The following PCNX1 variants were observed in gnomAD, a reference collection of about 807,000 sequenced individuals.
PCNX1 encodes pecanex-like protein 1.
Under a neutral mutation model 242.2 loss-of-function variants are expected in PCNX1, and 78 were observed. The observed-to-expected ratio is 0.32, with a 90% CI of 0.27 to 0.39. PCNX1 has a LOEUF of 0.39. PCNX1 is among the 10% of genes least tolerant of loss of function. The pLI, the probability that PCNX1 is intolerant of heterozygous loss-of-function variation, is 1.00. For missense variants in PCNX1, 2,581 were observed against 2,856.5 expected, an observed-to-expected ratio of 0.90 and a Z score of 2.20; for synonymous variants, 1,024 against 1,032.9, an observed-to-expected ratio of 0.99 and a Z score of 0.17.
intron 32 of PCNX1, among the ~76,000 whole-genome samples, chr14:71,104,320 A>G (rs1245226185): frequency 1.3e-5 from 2 of 152,176 alleles, no homozygotes; most frequent in African/African-American, 4.8e-5. Flanking sequence ...TGGCAATTAA[A>G]GCAGCAAACT....
intron 28 of PCNX1, among the ~76,000 whole-genome samples, chr14:71,079,854 G>A (rs2332508): frequency 6.6e-6 from 1 of 151,850 alleles, no homozygotes; most frequent in South Asian, 2.1e-4. Flanking sequence ...TTCTTTTGCT[G>A]TACAGAAGCT....
At chr14:70,912,684 G>A (rs897471448) in intron 1 of PCNX1, among the ~76,000 whole-genome samples, 2 of 151,946 alleles carry the variant, frequency 1.3e-5, no homozygotes, top group African/African-American at 4.8e-5. Context: ...ATAAATCTGT[G>A]TCATTCTTTT....
intron 8 of PCNX1, among the ~76,000 whole-genome samples, chr14:70,999,706 T>C (rs1442160063): frequency 6.6e-6 from 1 of 152,208 alleles, no homozygotes; most frequent in African/African-American, 2.4e-5. Context: ...AGGAGAATTA[T>C]TGAAGGAAAC....
chr14:70,926,578 C>A (rs1566575674), intron 1 of PCNX1, among the ~76,000 whole-genome samples: 1 of 152,006 alleles, frequency 6.6e-6, no homozygotes, highest in African/African-American at 2.4e-5. Flanking sequence ...GGGTAGAAAC[C>A]AAGGGGATTT....
chr14:70,921,921 T>C (rs1167652504), intron 1 of PCNX1, among the ~76,000 whole-genome samples: 1 of 152,178 alleles, frequency 6.6e-6, no homozygotes, highest in Admixed American at 6.5e-5. Flanking sequence ...TATTGGTACA[T>C]TTGGAGGGGG....
intron 7 of PCNX1, among the ~76,000 whole-genome samples, chr14:70,990,809 T>C (rs2059141789): frequency 1.3e-5 from 2 of 152,324 alleles, no homozygotes; most frequent in Admixed American, 1.3e-4. Flanking sequence ...CTTTTCTTTC[T>C]GCTGATGGAT....
intron 26 of PCNX1, among the ~76,000 whole-genome samples, chr14:71,067,317 A>C (rs967760073): frequency 6.6e-6 from 1 of 152,230 alleles, no homozygotes; most frequent in South Asian, 2.1e-4. Context: ...TCAGGGGTTC[A>C]ACTTCTTCCT....
At chr14:70,990,029 A>G (rs530130624) in intron 7 of PCNX1, among the ~76,000 whole-genome samples, 2 of 152,264 alleles carry the variant, frequency 1.3e-5, no homozygotes, top group South Asian at 4.1e-4. Context: ...GAACAGATAA[A>G]CCCCTTCTCT....
In PCNX1 at chr14:70,988,484, G is replaced by C. The variant is rs566321136; in HGVS notation, c.2312-83G>C. 1.6e-5 allele frequency: 23 copies of C among 1,432,548 alleles called. No homozygotes were observed. The Admixed American group carries it at 4.1e-4, about 25-fold the overall frequency. The allele number at this position is 1,432,548 out of a possible 1,614,324, so 88.7% of individuals were successfully genotyped here. A position where few individuals can be genotyped will look rare whatever the true frequency, so the allele number is the denominator to read the frequency against. ...TAAGTTCACTTTACCCATGAGGGTG[G>C]GAAGTCAAGGGAAAGCCAGGCTCAG... On this transcript the variant is annotated intron_variant, in intron 6 of 35. Coordinates refer to ENST00000304743, the MANE Select transcript of PCNX1 (RefSeq NM_014982.3).
intron 3 of PCNX1, among the ~76,000 whole-genome samples, chr14:70,964,697 G>A (rs114985939): frequency 6.6e-6 from 1 of 152,130 alleles, no homozygotes; most frequent in Non-Finnish European, 1.5e-5. Flanking sequence ...CCTTGGCATC[G>A]TGTCTGTTGG....
intron 1 of PCNX1, among the ~76,000 whole-genome samples, chr14:70,936,595 G>A (rs913823373): frequency 6.6e-6 from 1 of 152,118 alleles, no homozygotes; most frequent in Non-Finnish European, 1.5e-5. Context: ...AAACATACGT[G>A]TTGCATGTGT....
rs188269052 is a variant in PCNX1 at position 70,964,399 on chromosome 14, A to G, written c.468+2068A>G. Among the ~76,000 whole-genome samples the G allele has an allele frequency of 3.3e-5, 5 of 152,150 alleles. No individual in the cohort carries two copies. In the East Asian group the frequency reaches 9.7e-4, roughly 29 times the overall value. Reference sequence around the variant, plus strand: ...GATACTTTTTGTTTCAAATTTTACAATGCCTGTTTGAAGACAAGGGTTACT... The same window carrying G: ...GATACTTTTTGTTTCAAATTTTACAGTGCCTGTTTGAAGACAAGGGTTACT... On this transcript the variant is annotated intron_variant, in intron 3 of 35. Coordinates refer to ENST00000304743, the MANE Select transcript of PCNX1 (RefSeq NM_014982.3).
rs547411319 is a variant in PCNX1, at chr14:71,033,964, G to A, written c.3702G>A (p.Thr1234=). 26 of 1,605,428 alleles carry A rather than the reference G, an allele frequency of 1.6e-5. No individual in the cohort carries two copies. The highest frequency in any genetic ancestry group is 5.4e-5 in the African/African-American group (4 of 74,286). ...SLVQSKIFPK[T]EEKNPEDPLS... is the part of the protein sequence containing the mutation. ...TGCAATCCAAGATTTTTCCAAAAAC[G>A]GAAGAGAAAAATCCAGAAGACCCTC... Residue 1234 remains threonine (T), a synonymous_variant, in exon 18 of 36, where the codon ACG becomes ACA. Coordinates refer to ENST00000304743, the MANE Select transcript of PCNX1 (RefSeq NM_014982.3).
intron 16 of PCNX1, among the ~76,000 whole-genome samples, chr14:71,030,863 C>A (rs1181900485): frequency 6.6e-6 from 1 of 152,102 alleles, no homozygotes; most frequent in African/African-American, 2.4e-5. Flanking sequence ...AGGTCCTGAG[C>A]AGGATGATGG....
In PCNX1 at chr14:71,028,837, T is replaced by C. The variant is rs772241840; in HGVS notation, c.3558+46T>C. The C allele has an allele frequency of 7.9e-6, 9 of 1,137,634 alleles. No homozygotes were observed. The South Asian group carries it at 1.1e-4, about 14-fold the overall frequency. The allele number at this position is 1,137,634 out of a possible 1,614,324, so 70.5% of individuals were successfully genotyped here. A position where few individuals can be genotyped will look rare whatever the true frequency, so the allele number is the denominator to read the frequency against. On this transcript the variant is annotated intron_variant, in intron 16 of 35. Coordinates refer to ENST00000304743, the MANE Select transcript of PCNX1 (RefSeq NM_014982.3). ...TGTTTTGTCTTTAAGGCTATATTTCTATATGAAGGTTGTTTTAAAATCAAC... is the reference window on the plus strand; with the variant it reads ...TGTTTTGTCTTTAAGGCTATATTTCCATATGAAGGTTGTTTTAAAATCAAC...
At chr14:71,097,120 A>G (rs1041945983) in intron 30 of PCNX1, among the ~76,000 whole-genome samples, 13 of 152,166 alleles carry the variant, frequency 8.5e-5, no homozygotes, top group Non-Finnish European at 1.2e-4. Context: ...ATCCACAGCC[A>G]TATTGCTGCA....
At chr14:70,995,199 A>G (rs2059312349) in intron 7 of PCNX1, among the ~76,000 whole-genome samples, 1 of 152,128 alleles carries the variant, frequency 6.6e-6, no homozygotes, top group African/African-American at 2.4e-5. Flanking sequence ...TTTTCTTGCT[A>G]GTTTGTGATT....
At chr14:71,025,734 C>T (rs1395006268) in intron 13 of PCNX1, among the ~76,000 whole-genome samples, 1 of 151,936 alleles carries the variant, frequency 6.6e-6, no homozygotes, top group Non-Finnish European at 1.5e-5. Flanking sequence ...ACAGGTGCAG[C>T]GATGTGCGCC....
intron 26 of PCNX1, among the ~76,000 whole-genome samples, chr14:71,068,192 A>G (rs966687580): frequency 2.0e-5 from 3 of 151,856 alleles, no homozygotes; most frequent in Non-Finnish European, 4.4e-5. Context: ...TTAGCCAGGC[A>G]TGGTGGTGGA....
Sources: gnomAD v4.1 joint callset for allele counts (sites outside exome capture counted in the v4.1 genomes callset) on GRCh38, gnomAD v4.1.1 for gene constraint, MANE v1.5 for transcripts, NCBI Gene and HGNC (gene_info 2026-07-23, HGNC 2026-07-21) for gene names.